FLOT2: variants seen among roughly 807,000 people sequenced by gnomAD.
The protein encoded by FLOT2 is flotillin-2.
Under a neutral mutation model 54.9 loss-of-function variants are expected in FLOT2, and 35 were observed. The ratio of observed to expected loss-of-function variants is 0.64; its 90% CI spans 0.49 to 0.84. FLOT2 has a LOEUF of 0.84. Ranked by LOEUF, FLOT2 falls within the 40% of genes least tolerant of loss-of-function variation. The pLI is 0.00. For synonymous variants in FLOT2, 207 were observed against 228.9 expected (o/e 0.90, Z 0.86); for missense variants, 464 against 572.1 (o/e 0.81, Z 1.93).
chr17:28,888,400 C>T (rs2039584033), intron 2 of FLOT2, among the ~76,000 whole-genome samples: 1 of 151,726 alleles, frequency 6.6e-6, no homozygotes, highest in Non-Finnish European at 1.5e-5. Context: ...TCTTGCTCAG[C>T]CCCAGCACTA....
In FLOT2 at chr17:28,882,377, T is replaced by G. The variant is rs2039468447; in HGVS notation, c.539A>C (p.Asp180Ala). The G allele has an allele frequency of 6.2e-7, 1 of 1,613,932 alleles. No individual in the cohort carries two copies. The highest frequency in any genetic ancestry group is 1.7e-5 in the Admixed American group (1 of 59,998). The stretch of plus-strand genomic sequence containing the variant: ...CCGTTCAGCCTCGGCCACGCCAATG[T>G]CAGCATCTCTCTGCACCACGGCAGT... Reference protein sequence around the residue: ...TQTAVVQRDADIGVAEAERDA... With the variant: ...TQTAVVQRDAAIGVAEAERDA... Residue 180 changes from aspartate to alanine, a missense_variant, in exon 6 of 11, where the codon GAC becomes GCC. Coordinates refer to ENST00000394908, the MANE Select transcript of FLOT2 (RefSeq NM_004475.3). This position sits in a 1 kb window ranked among gnomAD's most constrained non-coding sequence, Gnocchi z 5.6.
rs2039413811 is a variant in FLOT2 at position 28,879,538 on chromosome 17, A to C, written c.*1023T>G. ...TTGGGTCCTGGGCTCTTCTGCCTCCATTGGAGCAAGGAGACAGAGGATTGG... is the reference window on the plus strand; with the variant it reads ...TTGGGTCCTGGGCTCTTCTGCCTCCCTTGGAGCAAGGAGACAGAGGATTGG... On this transcript the variant is annotated 3_prime_UTR_variant, in exon 11 of 11. Transcript: ENST00000394908. 1.0e-6 allele frequency: 1 copy of C among 985,894 alleles called. No homozygotes were observed. Among genetic ancestry groups the C allele is most frequent in the South Asian group, 4.7e-5 (1 of 21,282 alleles). 61.1% of individuals were successfully genotyped at this position (985,894 alleles called of 1,614,324 possible).
chr17:28,896,015 C>T (rs184896081), intron 1 of FLOT2, among the ~76,000 whole-genome samples: 1 of 152,318 alleles, frequency 6.6e-6, no homozygotes, highest in Non-Finnish European at 1.5e-5. Context: ...GCTTGATCAT[C>T]TCAAATCCCA....
intron 2 of FLOT2, chr17:28,885,890 C>G: frequency 6.5e-7 from 1 of 1,550,318 alleles, no homozygotes. Flanking sequence ...GTGGAACCCC[C>G]TCCGACGTCT....
In FLOT2 at chr17:28,882,014, C is replaced by G. The variant is rs758623114; in HGVS notation, c.714G>C (p.Gln238His). 2.5e-6 allele frequency: 4 copies of G among 1,614,056 alleles called. No individual in the cohort carries two copies. In the African/African-American group the frequency reaches 5.3e-5, roughly 22 times the overall value. Residue 238 changes from glutamine (Q) to histidine (H), a missense_variant, in exon 8 of 11, where the codon CAG becomes CAC. Transcript: ENST00000394908. The surrounding 1 kb of genome is among the most constrained non-coding windows in gnomAD (Gnocchi z 5.6). ...EEVNIKTAEA[Q>H]LAYELQGARE... Reference sequence around the variant, plus strand: ...GGGCCCCCTGCAGCTCATAGGCCAACTGGGCCTCAGCTGTCTGTGGCAAGA... The same window carrying G: ...GGGCCCCCTGCAGCTCATAGGCCAAGTGGGCCTCAGCTGTCTGTGGCAAGA...
Position 28,897,712 on chromosome 17 carries a change from G to A in FLOT2, c.-138C>T. 8 of 680,114 alleles carry A rather than the reference G, an allele frequency of 1.2e-5. No homozygotes were observed. Among genetic ancestry groups the A allele is most frequent in the Non-Finnish European group, 1.6e-5 (8 of 485,034 alleles). 42.1% of individuals were successfully genotyped at this position (680,114 alleles called of 1,614,324 possible). ...GCTCGCTCGCCCGCGCCCCTCTGCG[G>A]TCGCAGCCCCGCCGGAAGTGTGGCG... On this transcript the variant is annotated 5_prime_UTR_variant, in exon 1 of 11. Transcript: ENST00000394908. The surrounding 1 kb of genome is among the most constrained non-coding windows in gnomAD (Gnocchi z 4.4).
chr17:28,895,499 T>G (rs879635551), intron 1 of FLOT2, among the ~76,000 whole-genome samples: 1 of 152,190 alleles, frequency 6.6e-6, no homozygotes, highest in African/African-American at 2.4e-5. Context: ...CTGACCTCAG[T>G]TGATCCTCCC....
Position 28,880,537 on chromosome 17 carries a change from G to A in FLOT2, c.*24C>T, listed in dbSNP as rs772371157. On this transcript the variant is annotated 3_prime_UTR_variant, in exon 11 of 11. Transcript: ENST00000394908. Reference sequence around the variant, plus strand: ...CTGGAGGGAGGGCCGGGTGGCTGCTGAAGAGAGTGGGCCTGCAGGAGCCTC... The same window carrying A: ...CTGGAGGGAGGGCCGGGTGGCTGCTAAAGAGAGTGGGCCTGCAGGAGCCTC... The A allele has an allele frequency of 1.9e-6, 3 of 1,611,722 alleles. No individual in the cohort carries two copies. Among genetic ancestry groups the A allele is most frequent in the East Asian group, 4.5e-5 (2 of 44,852 alleles).
chr17:28,883,476 G>A lies in FLOT2; in HGVS notation c.223-245C>T, dbSNP rs959181520. Among the ~76,000 whole-genome samples the A allele has an allele frequency of 7.9e-5, 12 of 152,122 alleles. No homozygotes were observed. The highest frequency in any genetic ancestry group is 2.4e-4 in the African/African-American group (10 of 41,420). ...CTGCCACGGCCTCTCCTGGGCATTCGGGGCTTGTCTCCCCACCCCTCCAGC... is the reference window on the plus strand; with the variant it reads ...CTGCCACGGCCTCTCCTGGGCATTCAGGGCTTGTCTCCCCACCCCTCCAGC... On this transcript the variant is annotated intron_variant, in intron 3 of 10. Transcript: ENST00000394908. The surrounding 1 kb of genome is among the most constrained non-coding windows in gnomAD (Gnocchi z 5.0).
chr17:28,893,418 T>C (rs1213039673), intron 1 of FLOT2: 6 of 150,408 alleles, frequency 4.0e-5, no homozygotes, highest in Non-Finnish European at 7.4e-5. Flanking sequence ...CTTCTTTTTT[T>C]TTTTTTTTTT....
At chr17:28,890,950 G>C (rs891095294) in intron 1 of FLOT2, among the ~76,000 whole-genome samples, 1 of 149,474 alleles carries the variant, frequency 6.7e-6, no homozygotes, top group South Asian at 2.1e-4. Context: ...TGGAGTACAC[G>C]GCTCACTGCA....
chr17:28,891,619 A>G (rs1306113240), intron 1 of FLOT2, among the ~76,000 whole-genome samples: 3 of 152,238 alleles, frequency 2.0e-5, no homozygotes, highest in African/African-American at 7.2e-5. Context: ...AGCAGCCTCT[A>G]GCAACATATG....
Position 28,886,051 on chromosome 17 carries a change from C to T in FLOT2, c.132-1736G>A, listed in dbSNP as rs931342601. 10 of 410,446 alleles carry T rather than the reference C, an allele frequency of 2.4e-5. No individual in the cohort carries two copies. The African/African-American group carries it at 8.6e-4, about 35-fold the overall frequency. 25.4% of individuals were successfully genotyped at this position (410,446 alleles called of 1,614,324 possible). A position where few individuals can be genotyped will look rare whatever the true frequency, so the allele number is the denominator to read the frequency against. On this transcript the variant is annotated intron_variant, in intron 2 of 10. Coordinates refer to ENST00000394908, the MANE Select transcript of FLOT2 (RefSeq NM_004475.3). ...CCAGACAAGCACCGATGCCTGACGC[C>T]TGGGGGCGGGGGGGGGCATGCTGTC...
chr17:28,891,728 C>T (rs995581161), intron 1 of FLOT2, among the ~76,000 whole-genome samples: 1 of 152,148 alleles, frequency 6.6e-6, no homozygotes, highest in Non-Finnish European at 1.5e-5. Flanking sequence ...TTGGACAGTG[C>T]AGCTGTAGAG....
rs1449908772 is a variant in FLOT2 at position 28,884,195 on chromosome 17, G to C, written c.222+30C>G. The C allele has an allele frequency of 6.6e-7, 1 of 1,517,624 alleles. No homozygotes were observed. The highest frequency in any genetic ancestry group is 1.7e-5 in the Admixed American group (1 of 59,874). The allele number at this position is 1,517,624 out of a possible 1,614,324, so 94.0% of individuals were successfully genotyped here. On this transcript the variant is annotated intron_variant, in intron 3 of 10. Coordinates refer to ENST00000394908, the MANE Select transcript of FLOT2 (RefSeq NM_004475.3). The surrounding 1 kb of genome is among the most constrained non-coding windows in gnomAD (Gnocchi z 5.1). Reference sequence around the variant, plus strand: ...GAGTACGGGACCAGGCAGCTCAACGGACATGCGCAGGGCTGCTGAGTTACT... The same window carrying C: ...GAGTACGGGACCAGGCAGCTCAACGCACATGCGCAGGGCTGCTGAGTTACT...
At chr17:28,881,498 A>G in intron 8 of FLOT2, 123 bp from the exon 9 acceptor site, 1 of 1,059,832 alleles carries the variant, frequency 9.4e-7, no homozygotes, top group East Asian at 2.4e-5. Context: ...AGACATTGGA[A>G]CGGAGTGGGG....
At chr17:28,895,731 C>T (rs1309007572) in intron 1 of FLOT2, among the ~76,000 whole-genome samples, 1 of 152,032 alleles carries the variant, frequency 6.6e-6, no homozygotes. Context: ...TCCCCCGACC[C>T]CATCCAAATG....
At chr17:28,885,653 C>T in intron 2 of FLOT2, 1 of 717,570 alleles carries the variant, frequency 1.4e-6, no homozygotes, top group Non-Finnish European at 2.6e-6. Context: ...TGCTGTTTCC[C>T]CACTTGCAGT....
At position 28,883,020 on chromosome 17, in the gene FLOT2, G is replaced by A; in HGVS notation, c.346+88C>T. On this transcript the variant is annotated intron_variant, in intron 4 of 10. Coordinates refer to ENST00000394908, the MANE Select transcript of FLOT2 (RefSeq NM_004475.3). This position sits in a 1 kb window ranked among gnomAD's most constrained non-coding sequence, Gnocchi z 5.0. ...AAGTGTTTTAGCTTGAAACTCCTGT[G>A]AAACAGGCCCCCTGCCCAGCCCTGC... 3.6e-6 allele frequency: 5 copies of A among 1,392,190 alleles called. No homozygotes were observed. The highest frequency in any genetic ancestry group is 4.0e-6 in the Non-Finnish European group (4 of 1,009,020). The allele number at this position is 1,392,190 out of a possible 1,614,324, so 86.2% of individuals were successfully genotyped here.
Sources: gnomAD v4.1 joint callset for allele counts (sites outside exome capture counted in the v4.1 genomes callset) on GRCh38, gnomAD v4.1.1 for gene constraint, Gnocchi (gnomAD v3.1) non-coding constraint, MANE v1.5 for transcripts, NCBI Gene and HGNC (gene_info 2026-07-23, HGNC 2026-07-21) for gene names.